The following LINGO2 variants were observed in gnomAD, a reference collection of about 807,000 sequenced individuals.
LINGO2 encodes leucine rich repeat and Ig domain containing 2.
In LINGO2, 14 loss-of-function variants were observed where a neutral mutation model predicts 30.6. That is an observed-to-expected ratio of 0.46 (90% CI 0.30 to 0.72). The LOEUF (loss-of-function observed/expected upper bound fraction) is 0.72, where lower values mean the gene tolerates loss of function less well. Ranked by LOEUF, LINGO2 falls within the 30% of genes least tolerant of loss-of-function variation. The pLI, the probability that LINGO2 is intolerant of heterozygous loss-of-function variation, is 0.07. For missense variants in LINGO2, 729 were observed against 751.7 expected (o/e 0.97, Z 0.35); for synonymous variants, 317 against 288.5 (o/e 1.10, Z -1.00).
chr9:28,780,663 T>C, the LINGO2 span, among the ~76,000 whole-genome samples: 1 of 152,124 alleles, frequency 6.6e-6, no homozygotes, highest in African/African-American at 2.4e-5. Context: ...CTTTTTATCA[T>C]TGTGTATTAC....
the LINGO2 span, among the ~76,000 whole-genome samples, chr9:29,020,076 G>A: frequency 4.6e-5 from 7 of 152,158 alleles, no homozygotes; most frequent in Non-Finnish European, 1.5e-5. Flanking sequence ...GAATACTCCC[G>A]TTTGCAGTTT....
chr9:28,682,988 T>G, the LINGO2 span, among the ~76,000 whole-genome samples: 1 of 152,128 alleles, frequency 6.6e-6, no homozygotes, highest in Non-Finnish European at 1.5e-5. Flanking sequence ...TGATGGTAAG[T>G]ATTCCCACTT....
intron 2 of LINGO2, among the ~76,000 whole-genome samples, chr9:28,446,806 TA>T (rs1158301772): frequency 6.6e-6 from 1 of 152,188 alleles, no homozygotes. Context: ...AGTAAGCAAA[TA>T]GGCTTTCTGC....
chr9:28,795,462 G>A, the LINGO2 span, among the ~76,000 whole-genome samples: 1 of 152,068 alleles, frequency 6.6e-6, no homozygotes, highest in Non-Finnish European at 1.5e-5. Flanking sequence ...CATGCCTGAA[G>A]GGGGGAAATA....
chr9:28,955,781 A>G, the LINGO2 span, among the ~76,000 whole-genome samples: 1 of 152,092 alleles, frequency 6.6e-6, no homozygotes, highest in Non-Finnish European at 1.5e-5. Flanking sequence ...CAGATTCTTA[A>G]ATGGAGACAC....
At chr9:28,892,397 T>G in the LINGO2 span, among the ~76,000 whole-genome samples, 1 of 151,990 alleles carries the variant, frequency 6.6e-6, no homozygotes, top group Non-Finnish European at 1.5e-5. Flanking sequence ...TGACACTAAG[T>G]TCATTACTGA....
intron 4 of LINGO2, among the ~76,000 whole-genome samples, chr9:28,256,864 T>G (rs970176008): frequency 6.6e-6 from 1 of 151,942 alleles, no homozygotes; most frequent in African/African-American, 2.4e-5. Flanking sequence ...TTTTGGTATT[T>G]TCCTATATTT....
At chr9:28,444,611 T>A (rs1824345790) in intron 2 of LINGO2, among the ~76,000 whole-genome samples, 1 of 152,186 alleles carries the variant, frequency 6.6e-6, no homozygotes, top group Non-Finnish European at 1.5e-5. Flanking sequence ...TTGGACTCTG[T>A]GGTTTCTGGC....
At chr9:29,060,668 A>T in the LINGO2 span, among the ~76,000 whole-genome samples, 1 of 152,076 alleles carries the variant, frequency 6.6e-6, no homozygotes, top group Non-Finnish European at 1.5e-5. Flanking sequence ...GATAGTTCAT[A>T]GGAAAATACA....
chr9:28,226,565 T>G (rs1359732937), intron 4 of LINGO2, among the ~76,000 whole-genome samples: 2 of 140,074 alleles, frequency 1.4e-5, no homozygotes, highest in African/African-American at 5.4e-5. Flanking sequence ...TGAGGAAGGG[T>G]CGGAAGAAAA....
intron 1 of LINGO2, among the ~76,000 whole-genome samples, chr9:28,619,529 G>A (rs1234932826): frequency 6.6e-6 from 1 of 152,124 alleles, no homozygotes; most frequent in African/African-American, 2.4e-5. Context: ...GATTTAGCAG[G>A]TGACTGATAT....
At chr9:29,064,166 G>A in the LINGO2 span, among the ~76,000 whole-genome samples, 1 of 151,906 alleles carries the variant, frequency 6.6e-6, no homozygotes, top group Admixed American at 6.6e-5. Context: ...ATGGTTTAAT[G>A]TCTTTAATGA....
Position 28,526,055 on chromosome 9 carries a change from C to CAAAAAAAAAAAAAAAAA in LINGO2, c.-364-50047_-364-50031dup, listed in dbSNP as rs58629857. ...TGGGTGACAGAGCGAGACTCCGTCT[C>CAAAAAAAAAAAAAAAAA]AAAAAAAAAAAAAAAAAAAAAGCCA... On this transcript the variant is annotated intron_variant, in intron 1 of 5. Coordinates refer to ENST00000379992, the Ensembl canonical transcript of LINGO2. Among the ~76,000 whole-genome samples, 67 of 48,500 alleles carry CAAAAAAAAAAAAAAAAA rather than the reference C, an allele frequency of 1.4e-3. 6 individuals are homozygous for CAAAAAAAAAAAAAAAAA. Among genetic ancestry groups the CAAAAAAAAAAAAAAAAA allele is most frequent in the East Asian group, 3.9e-3 (5 of 1,290 alleles). The allele number at this position is 48,500 out of a possible 152,430, so 31.8% of individuals were successfully genotyped here.
At chr9:28,071,645 T>C (rs754631767) in intron 4 of LINGO2, among the ~76,000 whole-genome samples, 34 of 151,530 alleles carry the variant, frequency 2.2e-4, no homozygotes, top group Non-Finnish European at 4.6e-4. Context: ...TGGGTATTGA[T>C]AGGAAAATTA....
chr9:28,676,117 G>A, the LINGO2 span, among the ~76,000 whole-genome samples: 4 of 150,584 alleles, frequency 2.7e-5, no homozygotes, highest in Non-Finnish European at 5.9e-5. Flanking sequence ...CATTAGAATA[G>A]AAAAACTGAA....
chr9:29,023,011 T>C, the LINGO2 span, among the ~76,000 whole-genome samples: 3 of 150,434 alleles, frequency 2.0e-5, no homozygotes, highest in African/African-American at 7.3e-5. Context: ...TATTATGAAA[T>C]GCCTCATTTT....
chr9:28,852,216 A>G, the LINGO2 span, among the ~76,000 whole-genome samples: 1 of 152,016 alleles, frequency 6.6e-6, no homozygotes, highest in Non-Finnish European at 1.5e-5. Context: ...CTGTTTGTTC[A>G]TTATACATCA....
the LINGO2 span, among the ~76,000 whole-genome samples, chr9:28,718,148 A>G: frequency 6.6e-6 from 1 of 152,028 alleles, no homozygotes. Context: ...ATGAAAGTTA[A>G]GAAGATGCTT....
At chr9:28,139,299 A>G (rs1020984062) in intron 4 of LINGO2, among the ~76,000 whole-genome samples, 2 of 152,222 alleles carry the variant, frequency 1.3e-5, no homozygotes, top group African/African-American at 4.8e-5. Flanking sequence ...GCTGTTTAAA[A>G]CACAGTTTAC....
Sources: allele counts gnomAD v4.1 joint callset (sites outside exome capture counted in the v4.1 genomes callset), GRCh38; gene constraint gnomAD v4.1.1; transcripts MANE v1.5; gene names NCBI Gene and HGNC (gene_info 2026-07-23, HGNC 2026-07-21).